The following STAG1 variants were observed in gnomAD, a reference collection of about 807,000 sequenced individuals.
The protein encoded by STAG1 is cohesin subunit SA-1.
STAG1 carries 26 observed loss-of-function variants against 170.9 expected under a neutral mutation model. That is an observed-to-expected ratio of 0.15 (90% CI 0.11 to 0.21). The LOEUF (loss-of-function observed/expected upper bound fraction) is 0.21, where lower values mean the gene tolerates loss of function less well. STAG1 is among the 10% of genes least tolerant of loss of function. STAG1 has a pLI of 1.00. For missense variants in STAG1, 964 were observed against 1,509.5 expected (o/e 0.64, Z 5.99); for synonymous variants, 514 against 497.7 (o/e 1.03, Z -0.44).
At chr3:136,586,543 G>A (rs1937835501) in intron 4 of STAG1, among the ~76,000 whole-genome samples, 1 of 152,150 alleles carries the variant, frequency 6.6e-6, no homozygotes, top group Non-Finnish European at 1.5e-5. Flanking sequence ...ACTGAACAGA[G>A]GCTAAGAAAA....
intron 1 of STAG1, among the ~76,000 whole-genome samples, chr3:136,692,507 T>C (rs1942760553): frequency 6.6e-6 from 1 of 151,760 alleles, no homozygotes; most frequent in Non-Finnish European, 1.5e-5. Context: ...TGGTAGCAAA[T>C]GCCTGTAATC....
At chr3:136,607,753 A>G (rs1324462342) in intron 3 of STAG1, among the ~76,000 whole-genome samples, 1 of 152,222 alleles carries the variant, frequency 6.6e-6, no homozygotes, top group Admixed American at 6.5e-5. Context: ...GCTTTGGCCA[A>G]TGGGAGCTCT....
chr3:136,576,366 A>G (rs551620890), intron 4 of STAG1, among the ~76,000 whole-genome samples: 11 of 152,200 alleles, frequency 7.2e-5, no homozygotes, highest in Non-Finnish European at 1.5e-4. Context: ...GAATGTCCTC[A>G]ATTGATTCCA....
chr3:136,687,763 GTC>G (rs1233106769), intron 1 of STAG1, among the ~76,000 whole-genome samples: 1 of 148,162 alleles, frequency 6.7e-6, no homozygotes, highest in African/African-American at 2.5e-5. Flanking sequence ...TTGAGGCAGA[GTC>G]TCCCTTTGTC....
chr3:136,417,847 T>C (rs1308285997), intron 21 of STAG1, 38 bp downstream of exon 21: 1 of 1,532,588 alleles, frequency 6.5e-7, no homozygotes, highest in Non-Finnish European at 9.0e-7. Flanking sequence ...AAAACAACTT[T>C]CTAGAGTCAT....
At position 136,445,846 on chromosome 3, in the gene STAG1, C is replaced by G. The variant is rs945592516; in HGVS notation, c.1429-2442G>C. 2.6e-5 allele frequency among the ~76,000 whole-genome samples: 4 copies of G among 152,100 alleles called. No homozygotes were observed. The East Asian group carries it at 7.7e-4, about 29-fold the overall frequency. Reference sequence around the variant, plus strand: ...GTAATCATTTATTAGTTATTTCCAGCCTTTATCCAGCCTATTATTTATAAA... The same window carrying G: ...GTAATCATTTATTAGTTATTTCCAGGCTTTATCCAGCCTATTATTTATAAA... On this transcript the variant is annotated intron_variant, in intron 14 of 33. Coordinates refer to ENST00000383202, the MANE Select transcript of STAG1 (RefSeq NM_005862.3).
chr3:136,541,587 AG>A (rs1263856965), intron 6 of STAG1, among the ~76,000 whole-genome samples: 1 of 86,740 alleles, frequency 1.2e-5, no homozygotes, highest in Non-Finnish European at 2.9e-5. Flanking sequence ...CACACACACC[AG>A]GGGTTTGGGA....
At chr3:136,685,968 T>C (rs1477541795) in intron 1 of STAG1, among the ~76,000 whole-genome samples, 5 of 152,224 alleles carry the variant, frequency 3.3e-5, no homozygotes, top group Non-Finnish European at 7.3e-5. Flanking sequence ...ATGTATATTG[T>C]TTTAATAGAA....
chr3:136,654,275 CAAAT>C (rs1214321866), intron 1 of STAG1, among the ~76,000 whole-genome samples: 1 of 152,036 alleles, frequency 6.6e-6, no homozygotes, highest in Non-Finnish European at 1.5e-5. Context: ...TTAGAATAAA[CAAAT>C]AAAGCCAAGT....
chr3:136,729,683 C>T (rs1933894028), intron 1 of STAG1, among the ~76,000 whole-genome samples: 1 of 149,670 alleles, frequency 6.7e-6, no homozygotes, highest in Non-Finnish European at 1.5e-5. Context: ...AGTGATTCTC[C>T]TGCCTCAGCC....
At chr3:136,522,510 C>A (rs1413885283) in intron 6 of STAG1, among the ~76,000 whole-genome samples, 1 of 150,842 alleles carries the variant, frequency 6.6e-6, no homozygotes, top group Non-Finnish European at 1.5e-5. Context: ...CACAAAACCC[C>A]ACTATAGTAG....
intron 1 of STAG1, among the ~76,000 whole-genome samples, chr3:136,696,713 A>G (rs140068024): frequency 6.9e-4 from 105 of 152,310 alleles, no homozygotes; most frequent in African/African-American, 2.2e-3. Flanking sequence ...ATGAAGTATT[A>G]ATAAACAAAC....
At chr3:136,426,954 T>A (rs2088144136) in intron 16 of STAG1, among the ~76,000 whole-genome samples, 1 of 151,176 alleles carries the variant, frequency 6.6e-6, no homozygotes, top group South Asian at 2.1e-4. Context: ...CAGTTACTTG[T>A]GAGGCTGAGG....
At chr3:136,351,910 G>A (rs1261283970) in intron 28 of STAG1, among the ~76,000 whole-genome samples, 2 of 152,068 alleles carry the variant, frequency 1.3e-5, no homozygotes, top group African/African-American at 4.8e-5. Context: ...TCAGTAAGTG[G>A]CTTATGCTAA....
At chr3:136,545,713 G>GA (rs1559871454) in intron 5 of STAG1, among the ~76,000 whole-genome samples, 92 of 149,994 alleles carry the variant, frequency 6.1e-4, no homozygotes, top group Middle Eastern at 3.4e-3. Flanking sequence ...TGTGCAAAAA[G>GA]GAAAAAAAAA....
At chr3:136,630,655 G>A (rs1940297166) in intron 2 of STAG1, among the ~76,000 whole-genome samples, 1 of 152,066 alleles carries the variant, frequency 6.6e-6, no homozygotes, top group African/African-American at 2.4e-5. Flanking sequence ...CATCTTTTTT[G>A]TTGAATATCA....
At chr3:136,372,940 T>C (rs1219601171) in intron 23 of STAG1, among the ~76,000 whole-genome samples, 2 of 152,234 alleles carry the variant, frequency 1.3e-5, no homozygotes, top group African/African-American at 4.8e-5. Context: ...CTCCTCCTTG[T>C]ACCTCTGGTA....
In STAG1 at chr3:136,715,171, CT is replaced by C. The variant is rs35662353; in HGVS notation, c.-84+37023del. On this transcript the variant is annotated intron_variant, in intron 1 of 33. Coordinates refer to ENST00000383202, the MANE Select transcript of STAG1 (RefSeq NM_005862.3). ...AATTTGTGTATGTGGGGTTTTTTAA[CT>C]TTTTTTTTTTTTTTAATTTAAATAG... Among the ~76,000 whole-genome samples the C allele has an allele frequency of 8.4e-4, 112 of 133,820 alleles. 1 individual carries two copies. Among genetic ancestry groups the C allele is most frequent in the East Asian group, 4.1e-3 (18 of 4,390 alleles). The allele number at this position is 133,820 out of a possible 152,430, so 87.8% of individuals were successfully genotyped here. A position where few individuals can be genotyped will look rare whatever the true frequency, so the allele number is the denominator to read the frequency against.
chr3:136,550,374 C>A (rs1292700104), intron 5 of STAG1, among the ~76,000 whole-genome samples: 1 of 151,354 alleles, frequency 6.6e-6, no homozygotes, highest in East Asian at 1.9e-4. Context: ...GTGGCGCGAT[C>A]TTGGCTCACC....
Sources: gnomAD v4.1 joint callset for allele counts (sites outside exome capture counted in the v4.1 genomes callset) on GRCh38, gnomAD v4.1.1 for gene constraint, MANE v1.5 for transcripts, NCBI Gene and HGNC (gene_info 2026-07-23, HGNC 2026-07-21) for gene names.